The following DENND3 variants were observed in gnomAD, a reference collection of about 807,000 sequenced individuals.
DENND3 encodes DENN domain containing 3.
A neutral mutation model predicts 135.1 loss-of-function variants in DENND3; 88 were observed. The observed-to-expected ratio is 0.65, with a 90% CI of 0.55 to 0.78. DENND3 has a LOEUF of 0.78. DENND3 is among the 30% of genes least tolerant of loss of function. The probability of loss-of-function intolerance (pLI) is 0.00; values close to 1 mark genes in which losing one functional copy is unlikely to be tolerated. For missense variants in DENND3, 1,392 were observed against 1,688.4 expected (o/e 0.82, Z 3.08); for synonymous variants, 693 against 712.3 (o/e 0.97, Z 0.43).
Position 141,167,371 on chromosome 8 carries a change from C to G in DENND3, c.1754-633C>G. Among the ~76,000 whole-genome samples, 1 of 152,210 alleles carries G rather than the reference C, an allele frequency of 6.6e-6. No individual in the cohort carries two copies. The highest frequency in any genetic ancestry group is 2.4e-5 in the African/African-American group (1 of 41,450). ...CCCTCGGAACCTTCCCCTGGAGCCCCCATGACCCTCCTCCTGCTCTCTTGG... is the reference window on the plus strand; with the variant it reads ...CCCTCGGAACCTTCCCCTGGAGCCCGCATGACCCTCCTCCTGCTCTCTTGG... On this transcript the variant is annotated intron_variant, in intron 12 of 22. Transcript: ENST00000519811. The surrounding 1 kb of genome is among the most constrained non-coding windows in gnomAD (Gnocchi z 4.1).
Position 141,150,961 on chromosome 8 carries a change from GC to G in DENND3, c.855+12del. On this transcript the variant is annotated intron_variant, in intron 6 of 22. Transcript: ENST00000519811. The stretch of plus-strand genomic sequence containing the variant: ...CCTGAGAAGGTGCTACAGGTACGCG[GC>G]CCCGCCCCGGCGAGCGCGTCTTGTG... 1 of 1,529,338 alleles carries G rather than the reference GC, an allele frequency of 6.5e-7. No homozygotes were observed. The highest frequency in any genetic ancestry group is 1.3e-5 in the South Asian group (1 of 77,070). 94.7% of individuals were successfully genotyped at this position (1,529,338 alleles called of 1,614,324 possible).
Position 141,182,745 on chromosome 8 carries a change from C to T in DENND3, c.2944+1891C>T, listed in dbSNP as rs1408394453. ...TGCAGGGACAAGAGGTGGGGTCAGGCCCCATCAAGAAGGGGGAGTCTTGTT... is the reference window on the plus strand; with the variant it reads ...TGCAGGGACAAGAGGTGGGGTCAGGTCCCATCAAGAAGGGGGAGTCTTGTT... On this transcript the variant is annotated intron_variant, in intron 17 of 22. Transcript: ENST00000519811. The surrounding 1 kb of genome is among the most constrained non-coding windows in gnomAD (Gnocchi z 5.9). Among the ~76,000 whole-genome samples, 1 of 152,180 alleles carries T rather than the reference C, an allele frequency of 6.6e-6. No homozygotes were observed. The highest frequency in any genetic ancestry group is 2.4e-5 in the African/African-American group (1 of 41,440).
rs1816983995 is a variant in DENND3, at chr8:141,138,027, G to T, written c.391G>T (p.Val131Leu). ...CTGTCTCTTTCTGCCTGCAGGGGGT[G>T]TGTGCGTGGCCACTGAACCTAAGGA... Reference protein sequence around the residue: ...TLPQLCFPGGVCVATEPKEDC... With the variant: ...TLPQLCFPGGLCVATEPKEDC... Residue 131 changes from valine (V) to leucine (L), a missense_variant, in exon 3 of 23, where the codon GTG (valine) becomes TTG (leucine). Coordinates refer to ENST00000519811, the MANE Select transcript of DENND3 (RefSeq NM_001352890.3). The surrounding 1 kb of genome is among the most constrained non-coding windows in gnomAD (Gnocchi z 4.8). The T allele has an allele frequency of 1.3e-6, 2 of 1,597,914 alleles. No homozygotes were observed. Among genetic ancestry groups the T allele is most frequent in the Admixed American group, 1.7e-5 (1 of 57,892 alleles).
At position 141,175,412 on chromosome 8, in the gene DENND3, G is replaced by A. The variant is rs750460587; in HGVS notation, c.2488G>A (p.Glu830Lys). The A allele has an allele frequency of 3.7e-5, 60 of 1,614,050 alleles. No individual in the cohort carries two copies. Among genetic ancestry groups the A allele is most frequent in the Middle Eastern group, 1.6e-4 (1 of 6,084 alleles). The change falls in exon 14 of 23, where the codon GAA becomes AAA. Residue 830 changes from glutamate to lysine, a missense_variant. By Grantham distance (56) the Glu-to-Lys change is moderately conservative (BLOSUM62 1). Transcript: ENST00000519811. This position sits in a 1 kb window ranked among gnomAD's most constrained non-coding sequence, Gnocchi z 5.4. ...MTQKRLFLLT[E>K]GRPGYLEIST... is the part of the protein sequence containing the mutation. ...CCAGAAGCGCCTGTTCCTCCTAACCGAAGGAAGGCCAGGCTACTTGGAGAT... is the reference window on the plus strand; with the variant it reads ...CCAGAAGCGCCTGTTCCTCCTAACCAAAGGAAGGCCAGGCTACTTGGAGAT...
Position 141,136,650 on chromosome 8 carries a change from C to A in DENND3, c.244C>A (p.Arg82Ser). ...NCGTLGKTRMRSLRKKREKPR... is the reference protein window; with the variant it reads ...NCGTLGKTRMSSLRKKREKPR... ...CGGCACTCTCGGTAAAACCCGGATGCGCTCCTTGAGAAAGAAGAGAGAGAA... is the reference window on the plus strand; with the variant it reads ...CGGCACTCTCGGTAAAACCCGGATGAGCTCCTTGAGAAAGAAGAGAGAGAA... The change falls in exon 2 of 23, where the codon CGC becomes AGC. Residue 82 changes from arginine to serine, a missense_variant. Arg to Ser is a moderately radical substitution (Grantham distance 110). Transcript: ENST00000519811. 6.2e-7 allele frequency: 1 copy of A among 1,612,312 alleles called. No individual in the cohort carries two copies. Among genetic ancestry groups the A allele is most frequent in the African/African-American group, 1.3e-5 (1 of 75,028 alleles).
Position 141,175,129 on chromosome 8 carries a change from A to T in DENND3, c.2276-71A>T. On this transcript the variant is annotated intron_variant, in intron 13 of 22. Coordinates refer to ENST00000519811, the MANE Select transcript of DENND3 (RefSeq NM_001352890.3). This position sits in a 1 kb window ranked among gnomAD's most constrained non-coding sequence, Gnocchi z 5.4. ...CGGTAGTGTGCGGTTTCTTCAGGTC[A>T]TGGAGAAGCCCTTGGGGCTCCCGAG... 1.3e-6 allele frequency: 2 copies of T among 1,527,268 alleles called. No individual in the cohort carries two copies. The highest frequency in any genetic ancestry group is 1.3e-5 in the South Asian group (1 of 77,434). 94.6% of individuals were successfully genotyped at this position (1,527,268 alleles called of 1,614,324 possible). A position where few individuals can be genotyped will look rare whatever the true frequency, so the allele number is the denominator to read the frequency against.
intron 1 of DENND3, among the ~76,000 whole-genome samples, chr8:141,134,337 C>A (rs902003692): frequency 5.3e-5 from 8 of 151,594 alleles, no homozygotes. Flanking sequence ...CTCTGTTGCC[C>A]AGGCTGGAGT....
At position 141,192,648 on chromosome 8, in the gene DENND3, C is replaced by A. The variant is rs772046742; in HGVS notation, c.3621C>A (p.Ile1207=). 9 of 1,606,516 alleles carry A rather than the reference C, an allele frequency of 5.6e-6. No homozygotes were observed. The highest frequency in any genetic ancestry group is 2.2e-5 in the East Asian group (1 of 44,734). ...ACTGCTCTGAGATCAACTGCATGAT[C>A]CGGGTGAAGAAGCAGGTAGGGTGGA... ...LEDCSEINCM[I]RVKKQVWVGS... is the part of the protein sequence containing the mutation. Residue 1207 remains isoleucine, a synonymous_variant, in exon 22 of 23, where the codon ATC becomes ATA. Transcript: ENST00000519811.
rs1004988034 is a variant in DENND3 at position 141,154,332 on chromosome 8, A to T, written c.1075-1517A>T. Among the ~76,000 whole-genome samples, 11 of 152,006 alleles carry T rather than the reference A, an allele frequency of 7.2e-5. No individual in the cohort carries two copies. Among genetic ancestry groups the T allele is most frequent in the African/African-American group, 2.7e-4 (11 of 41,404 alleles). On this transcript the variant is annotated intron_variant, in intron 7 of 22. Transcript: ENST00000519811. The surrounding 1 kb of genome is among the most constrained non-coding windows in gnomAD (Gnocchi z 4.4). The stretch of plus-strand genomic sequence containing the variant: ...TCCAAGTCATCATGTGCATATCTCA[A>T]ATATTCCAGGGCTACGCGGTCTCTT...
intron 6 of DENND3, 52 bp from the exon 7 acceptor site, chr8:141,151,567 A>AT (rs878896784): frequency 0.031 from 40,357 of 1,283,640 alleles, 924 homozygotes; most frequent in African/African-American, 0.21. Context: ...CCCTGTCTGT[A>AT]TTTTTTTTTT....
At chr8:141,142,159 T>C in intron 4 of DENND3, 1 of 339,296 alleles carries the variant, frequency 2.9e-6, no homozygotes, top group South Asian at 2.2e-5. Context: ...GGGCTCTCAT[T>C]ATCAAAGGAT....
chr8:141,179,719 C>T (rs754905927), intron 16 of DENND3, among the ~76,000 whole-genome samples: 2 of 152,242 alleles, frequency 1.3e-5, no homozygotes, highest in Admixed American at 1.3e-4. Context: ...GAGTCCTGGT[C>T]GACCCCTTGC....
At chr8:141,153,301 C>G (rs1569555737) in intron 7 of DENND3, among the ~76,000 whole-genome samples, 1 of 152,068 alleles carries the variant, frequency 6.6e-6, no homozygotes, top group Non-Finnish European at 1.5e-5. Context: ...ACCATGTTGC[C>G]CAGGCTGGTT....
At position 141,168,597 on chromosome 8, in the gene DENND3, GA is replaced by G; in HGVS notation, c.2275+73del. Reference sequence around the variant, plus strand: ...GGGTCTGGCTCTGTCGCCCAGGCTGGAGTGGACTGGCAATCACAGCTCACTG... The same window carrying G: ...GGGTCTGGCTCTGTCGCCCAGGCTGGGTGGACTGGCAATCACAGCTCACTG... On this transcript the variant is annotated intron_variant, in intron 13 of 22. Transcript: ENST00000519811. The surrounding 1 kb of genome is among the most constrained non-coding windows in gnomAD (Gnocchi z 6.2). 8 of 1,507,000 alleles carry G rather than the reference GA, an allele frequency of 5.3e-6. No individual in the cohort carries two copies. Among genetic ancestry groups the G allele is most frequent in the Non-Finnish European group, 7.1e-6 (8 of 1,125,026 alleles). The allele number at this position is 1,507,000 out of a possible 1,614,324, so 93.4% of individuals were successfully genotyped here. A position where few individuals can be genotyped will look rare whatever the true frequency, so the allele number is the denominator to read the frequency against.
intron 1 of DENND3, among the ~76,000 whole-genome samples, chr8:141,131,644 T>C (rs1041565015): frequency 1.3e-5 from 2 of 152,228 alleles, no homozygotes; most frequent in African/African-American, 4.8e-5. Flanking sequence ...TCTGTTTTAT[T>C]CCCTTAATAA....
chr8:141,182,415 C>T lies in DENND3; in HGVS notation c.2944+1561C>T. 1.0e-6 allele frequency: 1 copy of T among 985,464 alleles called. No homozygotes were observed. Among genetic ancestry groups the T allele is most frequent in the Non-Finnish European group, 1.2e-6 (1 of 829,936 alleles). 61.0% of individuals were successfully genotyped at this position (985,464 alleles called of 1,614,324 possible). A position where few individuals can be genotyped will look rare whatever the true frequency, so the allele number is the denominator to read the frequency against. On this transcript the variant is annotated intron_variant, in intron 17 of 22. Coordinates refer to ENST00000519811, the MANE Select transcript of DENND3 (RefSeq NM_001352890.3). The surrounding 1 kb of genome is among the most constrained non-coding windows in gnomAD (Gnocchi z 5.9). ...TGAGCCCTACCTGATGTGTCTAAGCCAGGCTCTGTGCTGACTTCGCCAGAG... is the reference window on the plus strand; with the variant it reads ...TGAGCCCTACCTGATGTGTCTAAGCTAGGCTCTGTGCTGACTTCGCCAGAG...
At chr8:141,185,310 C>T in intron 18 of DENND3, 32 bp downstream of exon 18, 1 of 1,612,670 alleles carries the variant, frequency 6.2e-7, no homozygotes, top group Non-Finnish European at 8.5e-7. Flanking sequence ...AAAGAAGCCT[C>T]TGAATTCACG....
rs1817244686 is a variant in DENND3 at position 141,139,904 on chromosome 8, T to G, written c.502-1299T>G. Among the ~76,000 whole-genome samples the G allele has an allele frequency of 1.4e-5, 2 of 143,418 alleles. No homozygotes were observed. Among genetic ancestry groups the G allele is most frequent in the Admixed American group, 1.4e-4 (2 of 14,446 alleles). 94.1% of individuals were successfully genotyped at this position (143,418 alleles called of 152,430 possible). ...TATCCGGATGACGCTATATCTATCG[T>G]TTTTTTCTTTCTTTTTTTTTTTTGA... On this transcript the variant is annotated intron_variant, in intron 3 of 22. Coordinates refer to ENST00000519811, the MANE Select transcript of DENND3 (RefSeq NM_001352890.3). This position sits in a 1 kb window ranked among gnomAD's most constrained non-coding sequence, Gnocchi z 4.2.
In DENND3 at chr8:141,189,505, G is replaced by C. The variant is rs562502805; in HGVS notation, c.3245+359G>C. On this transcript the variant is annotated intron_variant, in intron 19 of 22. Coordinates refer to ENST00000519811, the MANE Select transcript of DENND3 (RefSeq NM_001352890.3). ...CGCCTGATAATCGCCTGAGTGCTCA[G>C]TGTTGGCCTTGGGCTGCCTGTTCGC... 1.6e-3 allele frequency among the ~76,000 whole-genome samples: 240 copies of C among 152,364 alleles called. 2 individuals are homozygous for C. The highest frequency in any genetic ancestry group is 5.2e-3 in the African/African-American group (216 of 41,572).
Sources: gnomAD v4.1 joint callset for allele counts (sites outside exome capture counted in the v4.1 genomes callset) on GRCh38, gnomAD v4.1.1 for gene constraint, Gnocchi (gnomAD v3.1) non-coding constraint, MANE v1.5 for transcripts, NCBI Gene and HGNC (gene_info 2026-07-23, HGNC 2026-07-21) for gene names.